DCC: variants seen among roughly 807,000 people sequenced by gnomAD.
DCC encodes DCC netrin 1 receptor, also known as netrin receptor DCC.
A neutral mutation model predicts 172.5 loss-of-function variants in DCC; 58 were observed. The ratio of observed to expected loss-of-function variants is 0.34; its 90% CI spans 0.27 to 0.42. DCC has a LOEUF of 0.42. DCC is among the 10% of genes least tolerant of loss of function. The pLI is 1.00. For missense variants in DCC, 1,740 were observed against 1,791.0 expected (o/e 0.97, Z 0.51); for synonymous variants, 709 against 644.5 (o/e 1.10, Z -1.52).
At chr18:53,262,233 C>A (rs1418811054) in intron 12 of DCC, among the ~76,000 whole-genome samples, 1 of 152,176 alleles carries the variant, frequency 6.6e-6, no homozygotes, top group African/African-American at 2.4e-5. Flanking sequence ...TATATCCCCA[C>A]CCCATTCTAA....
At chr18:52,493,343 C>T (rs2030598539) in intron 1 of DCC, among the ~76,000 whole-genome samples, 1 of 151,820 alleles carries the variant, frequency 6.6e-6, no homozygotes, top group Admixed American at 6.6e-5. Flanking sequence ...GTAAACTCAT[C>T]TTTTTTTCAA....
At chr18:52,874,968 T>C (rs1376645454) in intron 2 of DCC, among the ~76,000 whole-genome samples, 1 of 152,092 alleles carries the variant, frequency 6.6e-6, no homozygotes, top group Non-Finnish European at 1.5e-5. Flanking sequence ...CTTTGGGCTG[T>C]GGGGCGGTTC....
rs1568269820 is a variant in DCC, at chr18:52,642,075, TATATACACAC to T, written c.92-109977_92-109968del. On this transcript the variant is annotated intron_variant, in intron 1 of 28. Transcript: ENST00000442544. ...TGGTGTGTGTGTGTATATATATATA[TATATACACAC>T]ACACACACACACTCACACACACATA... 1.8e-3 allele frequency among the ~76,000 whole-genome samples: 63 copies of T among 34,910 alleles called. 2 individuals carry two copies. Among genetic ancestry groups the T allele is most frequent in the African/African-American group, 3.7e-3 (61 of 16,322 alleles). The allele number at this position is 34,910 out of a possible 152,430, so 22.9% of individuals were successfully genotyped here.
chr18:52,979,256 C>T lies in DCC; in HGVS notation c.985+53886C>T, dbSNP rs184572411. ...TCATTAAGGTAGTTTCCTATGAAGA[C>T]GGAGGAGAGGGGAAGGAATCAGTTT... On this transcript the variant is annotated intron_variant, in intron 5 of 28. Coordinates refer to ENST00000442544, the MANE Select transcript of DCC (RefSeq NM_005215.4). Among the ~76,000 whole-genome samples, 237 of 152,046 alleles carry T rather than the reference C, an allele frequency of 1.6e-3. 1 individual carries two copies. The highest frequency in any genetic ancestry group is 5.5e-3 in the African/African-American group (229 of 41,454).
At chr18:53,128,868 CACAT>C (rs1244525940) in intron 7 of DCC, among the ~76,000 whole-genome samples, 182 of 57,408 alleles carry the variant, frequency 3.2e-3, no homozygotes, top group East Asian at 0.014. Context: ...CACACACACA[CACAT>C]ATATATATAT....
At chr18:53,237,070 C>G (rs553981773) in intron 12 of DCC, 4 of 151,450 alleles carry the variant, frequency 2.6e-5, no homozygotes, top group African/African-American at 9.7e-5. Context: ...TGTTTAAAAC[C>G]GTTACTCTCC....
At chr18:52,406,432 G>C (rs1371021569) in intron 1 of DCC, among the ~76,000 whole-genome samples, 6 of 152,032 alleles carry the variant, frequency 3.9e-5, no homozygotes, top group African/African-American at 1.4e-4. Context: ...ATCTGACAAA[G>C]GGCTAATATC....
At chr18:52,414,339 C>A (rs1228806203) in intron 1 of DCC, among the ~76,000 whole-genome samples, 1 of 152,104 alleles carries the variant, frequency 6.6e-6, no homozygotes, top group African/African-American at 2.4e-5. Context: ...CCACCTCAGC[C>A]TCCCAAAGTG....
At chr18:53,027,499 G>T (rs980122424) in intron 5 of DCC, among the ~76,000 whole-genome samples, 2 of 152,086 alleles carry the variant, frequency 1.3e-5, no homozygotes, top group Admixed American at 6.6e-5. Context: ...TAATTTTCAG[G>T]CAGGGAAGCT....
chr18:52,848,262 T>C (rs1303689678), intron 2 of DCC, among the ~76,000 whole-genome samples: 2 of 152,028 alleles, frequency 1.3e-5, no homozygotes, highest in African/African-American at 2.4e-5. Context: ...TTTATATATA[T>C]ATTTGGTAAA....
intron 2 of DCC, among the ~76,000 whole-genome samples, chr18:52,905,749 T>C (rs1221684077): frequency 1.3e-5 from 2 of 152,190 alleles, no homozygotes; most frequent in African/African-American, 2.4e-5. Context: ...TCAATTTCCT[T>C]ATCTATAAAA....
chr18:52,598,702 G>A (rs1044372837), intron 1 of DCC, among the ~76,000 whole-genome samples: 5 of 152,166 alleles, frequency 3.3e-5, no homozygotes, highest in Admixed American at 6.5e-5. Context: ...CATTTGGATG[G>A]TGTCTCAGTC....
At chr18:53,122,852 T>G (rs1331255994) in intron 7 of DCC, among the ~76,000 whole-genome samples, 1 of 152,088 alleles carries the variant, frequency 6.6e-6, no homozygotes, top group Non-Finnish European at 1.5e-5. Context: ...CTTTCTGACC[T>G]TTAGCCTTCC....
chr18:53,181,732 G>A (rs1406056557), intron 9 of DCC, among the ~76,000 whole-genome samples: 3 of 152,122 alleles, frequency 2.0e-5, no homozygotes, highest in Non-Finnish European at 4.4e-5. Flanking sequence ...GAGTAATAAA[G>A]CAGCAGTATT....
rs372885437 is a variant in DCC at position 53,300,962 on chromosome 18, A to ATTCTTTCTTTCTTTCTTTCTTTCT, written c.1912-4609_1912-4586dup. 2.7e-3 allele frequency among the ~76,000 whole-genome samples: 326 copies of ATTCTTTCTTTCTTTCTTTCTTTCT among 120,294 alleles called. 12 individuals are homozygous for ATTCTTTCTTTCTTTCTTTCTTTCT. Among genetic ancestry groups the ATTCTTTCTTTCTTTCTTTCTTTCT allele is most frequent in the East Asian group, 7.8e-3 (35 of 4,484 alleles). 78.9% of individuals were successfully genotyped at this position (120,294 alleles called of 152,430 possible). A position where few individuals can be genotyped will look rare whatever the true frequency, so the allele number is the denominator to read the frequency against. Reference sequence around the variant, plus strand: ...ATTATTTGACGTTGGTTCTGGATTCATTCTTTCTTTCTTTCTTTCTTTCTT... The same window carrying ATTCTTTCTTTCTTTCTTTCTTTCT: ...ATTATTTGACGTTGGTTCTGGATTCATTCTTTCTTTCTTTCTTTCTTTCTTTCTTTCTTTCTTTCTTTCTTTCTT... On this transcript the variant is annotated intron_variant, in intron 12 of 28. Transcript: ENST00000442544.
At chr18:53,282,843 A>T (rs1157318085) in intron 12 of DCC, among the ~76,000 whole-genome samples, 2 of 152,156 alleles carry the variant, frequency 1.3e-5, no homozygotes, top group African/African-American at 4.8e-5. Flanking sequence ...AATGAATGCC[A>T]TTGGGTACCA....
At chr18:53,112,029 C>T (rs180927486) in intron 7 of DCC, among the ~76,000 whole-genome samples, 17 of 151,414 alleles carry the variant, frequency 1.1e-4, no homozygotes, top group African/African-American at 3.1e-4. Flanking sequence ...ACTGTTTTCA[C>T]GATTGCTTTT....
At chr18:52,497,543 A>G (rs2030849170) in intron 1 of DCC, among the ~76,000 whole-genome samples, 1 of 151,850 alleles carries the variant, frequency 6.6e-6, no homozygotes, top group Non-Finnish European at 1.5e-5. Context: ...GCAATTGCCA[A>G]CACCTAAACT....
intron 1 of DCC, among the ~76,000 whole-genome samples, chr18:52,540,900 C>A (rs1484323277): frequency 6.6e-6 from 1 of 152,120 alleles, no homozygotes; most frequent in Non-Finnish European, 1.5e-5. Context: ...GCCACCGCGC[C>A]CGGCCTCAAC....
Sources: allele counts gnomAD v4.1 joint callset (sites outside exome capture counted in the v4.1 genomes callset), GRCh38; gene constraint gnomAD v4.1.1; transcripts MANE v1.5; gene names NCBI Gene and HGNC (gene_info 2026-07-23, HGNC 2026-07-21).